Variants in TTC27 observed in about 807,000 individuals in gnomAD.
The protein encoded by TTC27 is tetratricopeptide repeat protein 27.
In TTC27, 79 loss-of-function variants were observed where a neutral mutation model predicts 115.9. The ratio of observed to expected loss-of-function variants is 0.68; its 90% CI spans 0.57 to 0.82. The LOEUF (loss-of-function observed/expected upper bound fraction) is 0.82, where lower values mean the gene tolerates loss of function less well. TTC27 is among the 40% of genes least tolerant of loss of function. The pLI, the probability that TTC27 is intolerant of heterozygous loss-of-function variation, is 0.00. For missense variants in TTC27, 1,054 were observed against 993.1 expected (o/e 1.06, Z -0.82); for synonymous variants, 401 against 356.0 (o/e 1.13, Z -1.42).
At chr2:32,747,659 G>A (rs1290382428) in intron 12 of TTC27, among the ~76,000 whole-genome samples, 1 of 152,058 alleles carries the variant, frequency 6.6e-6, no homozygotes, top group East Asian at 1.9e-4. Flanking sequence ...AGAATACTAG[G>A]TATTAAACTC....
chr2:32,712,566 C>CT (rs1667615805), intron 10 of TTC27, among the ~76,000 whole-genome samples: 1 of 149,218 alleles, frequency 6.7e-6, no homozygotes, highest in South Asian at 2.1e-4. Flanking sequence ...TCTTTTTTTT[C>CT]TTTTTTTAAA....
chr2:32,737,155 T>C (rs1668476879), intron 12 of TTC27, among the ~76,000 whole-genome samples: 1 of 152,150 alleles, frequency 6.6e-6, no homozygotes, highest in South Asian at 2.1e-4. Flanking sequence ...TCAATGGAGG[T>C]TCCCTAGGAG....
intron 9 of TTC27, among the ~76,000 whole-genome samples, chr2:32,687,789 G>A (rs1382753232): frequency 2.0e-5 from 3 of 152,028 alleles, no homozygotes; most frequent in Non-Finnish European, 4.4e-5. Context: ...TCTAATAATG[G>A]CTCCACAGTA....
At chr2:32,768,055 G>C (rs1385663520) in intron 13 of TTC27, among the ~76,000 whole-genome samples, 3 of 152,084 alleles carry the variant, frequency 2.0e-5, no homozygotes, top group African/African-American at 7.2e-5. Flanking sequence ...CAATGACATG[G>C]TATTAGCATA....
At chr2:32,817,080 C>T (rs919527536) in intron 18 of TTC27, among the ~76,000 whole-genome samples, 2 of 151,894 alleles carry the variant, frequency 1.3e-5, no homozygotes, top group African/African-American at 2.4e-5. Context: ...TTCCCTGGAG[C>T]AGTAAATTAC....
chr2:32,758,461 A>G lies in TTC27; in HGVS notation c.1622A>G (p.Lys541Arg), dbSNP rs1215884541. The G allele has an allele frequency of 6.2e-7, 1 of 1,614,074 alleles. No individual in the cohort carries two copies. Among genetic ancestry groups the G allele is most frequent in the African/African-American group, 1.3e-5 (1 of 74,928 alleles). ...AAAGCCCTCCTTCATCTTCGGAACA[A>G]GGAGTTTCAAGAGTGTGTAGAGTGC... ...RSKALLHLRNKEFQECVECFE... is the reference protein window; with the variant it reads ...RSKALLHLRNREFQECVECFE... The change falls in exon 13 of 20, where the codon AAG becomes AGG. Residue 541 changes from lysine to arginine, a missense_variant. Lys to Arg is a conservative substitution (Grantham distance 26). Coordinates refer to ENST00000317907, the MANE Select transcript of TTC27 (RefSeq NM_017735.5).
intron 16 of TTC27, among the ~76,000 whole-genome samples, chr2:32,797,345 AT>A (rs141433203): frequency 2.0e-5 from 3 of 149,132 alleles, no homozygotes; most frequent in Non-Finnish European, 3.0e-5. Flanking sequence ...ACATCTAACA[AT>A]TTTTTTTTTC....
At chr2:32,781,457 C>T (rs987995472) in intron 14 of TTC27, among the ~76,000 whole-genome samples, 3 of 152,128 alleles carry the variant, frequency 2.0e-5, no homozygotes, top group African/African-American at 4.8e-5. Flanking sequence ...TTCTACACCT[C>T]GTGGATGCTG....
chr2:32,820,953 G>C lies in TTC27; in HGVS notation c.*15G>C. The C allele has an allele frequency of 8.0e-7, 1 of 1,246,664 alleles. No individual in the cohort carries two copies. 77.2% of individuals were successfully genotyped at this position (1,246,664 alleles called of 1,614,324 possible). Reference sequence around the variant, plus strand: ...ATCAGTATTGATTCTGCTGGAAGCAGATTCTGGAAAAGGTGCTTTCACCTG... The same window carrying C: ...ATCAGTATTGATTCTGCTGGAAGCACATTCTGGAAAAGGTGCTTTCACCTG... On this transcript the variant is annotated 3_prime_UTR_variant, in exon 20 of 20. Transcript: ENST00000317907.
intron 16 of TTC27, among the ~76,000 whole-genome samples, chr2:32,795,689 A>T (rs1452258264): frequency 6.8e-6 from 1 of 147,674 alleles, no homozygotes; most frequent in Non-Finnish European, 1.5e-5. Context: ...AGTAGCTGGG[A>T]CTACAGGCAC....
Position 32,728,079 on chromosome 2 carries a change from C to T in TTC27, c.1234-5749C>T, listed in dbSNP as rs866853953. ...TTTTTTGGAGACAGAGTCTCGCTGT[C>T]GCCCAGGCTGGAGTGCAGTGGCGTG... On this transcript the variant is annotated intron_variant, in intron 10 of 19. Transcript: ENST00000317907. Among the ~76,000 whole-genome samples the T allele has an allele frequency of 2.4e-4, 34 of 139,880 alleles. No homozygotes were observed. The East Asian group carries it at 2.7e-3, about 11-fold the overall frequency. The allele number at this position is 139,880 out of a possible 152,430, so 91.8% of individuals were successfully genotyped here. A position where few individuals can be genotyped will look rare whatever the true frequency, so the allele number is the denominator to read the frequency against.
At chr2:32,629,118 C>T (rs534404309) in intron 1 of TTC27, among the ~76,000 whole-genome samples, 6 of 151,418 alleles carry the variant, frequency 4.0e-5, no homozygotes, top group African/African-American at 1.5e-4. Context: ...TAAAATGAGG[C>T]AGCAAAGTTG....
rs1391303620 is a variant in TTC27 at position 32,640,345 on chromosome 2, C to A, written c.472C>A (p.Pro158Thr). Residue 158 changes from proline to threonine, a missense_variant, in exon 4 of 20, where the codon CCT (proline) becomes ACT (threonine). Transcript: ENST00000317907. Reference sequence around the variant, plus strand: ...ATCAATCTACAGCCTGACCTCGAAGCCTATACTACTGTTATTAGCACGCAT... The same window carrying A: ...ATCAATCTACAGCCTGACCTCGAAGACTATACTACTGTTATTAGCACGCAT... ...GESIYSLTSK[P>T]ILLLLARIIL... 3.7e-6 allele frequency: 6 copies of A among 1,613,828 alleles called. No individual in the cohort carries two copies. The highest frequency in any genetic ancestry group is 5.1e-6 in the Non-Finnish European group (6 of 1,179,932).
chr2:32,732,088 A>G (rs1437888479), intron 10 of TTC27, among the ~76,000 whole-genome samples: 1 of 152,218 alleles, frequency 6.6e-6, no homozygotes, highest in Non-Finnish European at 1.5e-5. Flanking sequence ...ATAAAAAAGT[A>G]TCCCTTCTCT....
rs576241759 is a variant in TTC27 at position 32,740,674 on chromosome 2, G to A, written c.1452+3858G>A. ...TTATTTACTTACTTACTTATTTAGA[G>A]ATGGAGTTTCGCTCTTGTCGCCCAG... On this transcript the variant is annotated intron_variant, in intron 12 of 19. Coordinates refer to ENST00000317907, the MANE Select transcript of TTC27 (RefSeq NM_017735.5). Among the ~76,000 whole-genome samples, 6 of 152,252 alleles carry A rather than the reference G, an allele frequency of 3.9e-5. No homozygotes were observed. In the South Asian group the frequency reaches 1.0e-3, roughly 26 times the overall value.
chr2:32,760,744 A>G (rs1669407201), intron 13 of TTC27, among the ~76,000 whole-genome samples: 1 of 152,004 alleles, frequency 6.6e-6, no homozygotes, highest in Non-Finnish European at 1.5e-5. Context: ...TGAGTGGGGG[A>G]AGTGAGTTCC....
chr2:32,768,730 G>A (rs1244082900), intron 13 of TTC27, among the ~76,000 whole-genome samples: 1 of 152,180 alleles, frequency 6.6e-6, no homozygotes, highest in East Asian at 1.9e-4. Flanking sequence ...TGGCTTGAGT[G>A]GTAAGCATGG....
chr2:32,700,017 T>C (rs999267831), intron 9 of TTC27, among the ~76,000 whole-genome samples: 2 of 152,192 alleles, frequency 1.3e-5, no homozygotes, highest in African/African-American at 4.8e-5. Context: ...TGGGCTGAGC[T>C]GGTCTGTGCA....
intron 10 of TTC27, among the ~76,000 whole-genome samples, chr2:32,732,927 G>A (rs945086797): frequency 6.6e-6 from 1 of 152,222 alleles, no homozygotes; most frequent in African/African-American, 2.4e-5. Flanking sequence ...TCAGTTGAGA[G>A]TAGGTATAAG....
Sources: allele counts gnomAD v4.1 joint callset (sites outside exome capture counted in the v4.1 genomes callset), GRCh38; gene constraint gnomAD v4.1.1; transcripts MANE v1.5; gene names NCBI Gene and HGNC (gene_info 2026-07-23, HGNC 2026-07-21).